The following PSMA8 variants were observed in gnomAD, a reference collection of about 807,000 sequenced individuals.
PSMA8 encodes the protein proteasome 20S subunit alpha 8.
In PSMA8, 18 loss-of-function variants were observed where a neutral mutation model predicts 32.4. That is an observed-to-expected ratio of 0.56 (90% CI 0.38 to 0.82). The LOEUF is 0.82. PSMA8 is among the 40% of genes least tolerant of loss of function. The pLI, the probability that PSMA8 is intolerant of heterozygous loss-of-function variation, is 0.00. For missense variants in PSMA8, 298 were observed against 300.7 expected, an observed-to-expected ratio of 0.99 and a Z score of 0.07; for synonymous variants, 104 against 98.1, an observed-to-expected ratio of 1.06 and a Z score of -0.36.
intron 1 of PSMA8, among the ~76,000 whole-genome samples, chr18:26,143,444 G>A (rs1349173272): frequency 6.6e-6 from 1 of 152,038 alleles, no homozygotes; most frequent in Non-Finnish European, 1.5e-5. Context: ...CCTGAACTTG[G>A]ATAGGCAGAT....
intron 1 of PSMA8, among the ~76,000 whole-genome samples, chr18:26,139,805 AG>A (rs1007931254): frequency 1.3e-5 from 2 of 152,142 alleles, no homozygotes; most frequent in Admixed American, 1.3e-4. Context: ...TTTGACTTGA[AG>A]GGCTTGAAAG....
rs192729269 is a variant in PSMA8, at chr18:26,169,233, G to A, written c.478-9597G>A. 2.0e-4 allele frequency among the ~76,000 whole-genome samples: 26 copies of A among 132,236 alleles called. 4 individuals carry two copies. Among genetic ancestry groups the A allele is most frequent in the African/African-American group, 1.0e-3 (25 of 24,880 alleles). 86.8% of individuals were successfully genotyped at this position (132,236 alleles called of 152,430 possible). On this transcript the variant is annotated intron_variant, in intron 4 of 6. Transcript: ENST00000415576. ...TCTGCCTGCCTTAGCCTCCCAAAGC[G>A]CTGGGATTACAGGCGTGAGCCACTG...
At chr18:26,143,177 A>G (rs2144275674) in intron 1 of PSMA8, among the ~76,000 whole-genome samples, 1 of 152,290 alleles carries the variant, frequency 6.6e-6, no homozygotes, top group Non-Finnish European at 1.5e-5. Flanking sequence ...TGAGAAAAAA[A>G]ATCGATTCCC....
chr18:26,175,676 C>A (rs1174319448), intron 4 of PSMA8, among the ~76,000 whole-genome samples: 4 of 152,204 alleles, frequency 2.6e-5, no homozygotes, highest in African/African-American at 4.8e-5. Flanking sequence ...TCACAGGATG[C>A]ACTTCCGAGG....
At chr18:26,156,288 A>C (rs2055088319) in intron 3 of PSMA8, among the ~76,000 whole-genome samples, 2 of 152,320 alleles carry the variant, frequency 1.3e-5, no homozygotes, top group Non-Finnish European at 2.9e-5. Flanking sequence ...CTCTAATCCC[A>C]CAATCCCACT....
At chr18:26,168,657 G>A (rs1951207012) in intron 4 of PSMA8, among the ~76,000 whole-genome samples, 1 of 129,180 alleles carries the variant, frequency 7.7e-6, no homozygotes, top group African/African-American at 4.3e-5. Context: ...AGCCTCCCGA[G>A]TAGCTGGGAC....
In PSMA8 at chr18:26,163,251, A is replaced by ATATATAT. The variant is rs1568062730; in HGVS notation, c.477+5008_477+5014dup. Among the ~76,000 whole-genome samples, 3 of 87,772 alleles carry ATATATAT rather than the reference A, an allele frequency of 3.4e-5. 1 individual carries two copies. Among genetic ancestry groups the ATATATAT allele is most frequent in the African/African-American group, 1.4e-4 (3 of 21,772 alleles). 57.6% of individuals were successfully genotyped at this position (87,772 alleles called of 152,430 possible). A position where few individuals can be genotyped will look rare whatever the true frequency, so the allele number is the denominator to read the frequency against. ...TATATATATATATATATATATATAT[A>ATATATAT]TATATATATATGCTGTGAGTAAAAT... On this transcript the variant is annotated intron_variant, in intron 4 of 6. Transcript: ENST00000415576.
At chr18:26,150,202 A>AT (rs1431335410) in intron 2 of PSMA8, among the ~76,000 whole-genome samples, 1 of 152,154 alleles carries the variant, frequency 6.6e-6, no homozygotes, top group East Asian at 1.9e-4. Context: ...GATCCCAAGC[A>AT]TTTTCAGATG....
chr18:26,148,971 T>C (rs896235690), intron 2 of PSMA8, among the ~76,000 whole-genome samples: 3 of 152,096 alleles, frequency 2.0e-5, no homozygotes, highest in African/African-American at 7.2e-5. Context: ...CTCAGCCTCC[T>C]GAATGCAGGT....
rs2055415209 is a variant in PSMA8 at position 26,192,851 on chromosome 18, T to C, written c.*440T>C. The C allele has an allele frequency of 6.6e-6, 1 of 152,240 alleles. No individual in the cohort carries two copies. The highest frequency in any genetic ancestry group is 2.1e-4 in the South Asian group (1 of 4,834). 9.4% of individuals were successfully genotyped at this position (152,240 alleles called of 1,614,324 possible). A position where few individuals can be genotyped will look rare whatever the true frequency, so the allele number is the denominator to read the frequency against. ...TTCTCAAAGAATGACAAAAGCATCC[T>C]TATACTGATGAGTTCTTAAAATTTT... On this transcript the variant is annotated 3_prime_UTR_variant, in exon 7 of 7. Coordinates refer to ENST00000415576, the MANE Select transcript of PSMA8 (RefSeq NM_001025096.2).
At position 26,163,213 on chromosome 18, in the gene PSMA8, G is replaced by GTATATATA. The variant is rs58945617; in HGVS notation, c.477+5011_477+5018dup. ...AGGTGGTGTGTGTTTATGTGTGTGTGTATATATATATATATATATATATAT... is the reference window on the plus strand; with the variant it reads ...AGGTGGTGTGTGTTTATGTGTGTGTGTATATATATATATATATATATATATATATATAT... On this transcript the variant is annotated intron_variant, in intron 4 of 6. Transcript: ENST00000415576. Among the ~76,000 whole-genome samples, 332 of 80,800 alleles carry GTATATATA rather than the reference G, an allele frequency of 4.1e-3. 2 individuals carry two copies. The highest frequency in any genetic ancestry group is 5.6e-3 in the Non-Finnish European group (239 of 43,056). 53.0% of individuals were successfully genotyped at this position (80,800 alleles called of 152,430 possible).
At chr18:26,172,975 G>T (rs1042171754) in intron 4 of PSMA8, among the ~76,000 whole-genome samples, 1 of 152,126 alleles carries the variant, frequency 6.6e-6, no homozygotes, top group Admixed American at 6.5e-5. Flanking sequence ...ACAGTCCTGA[G>T]GAATAGCCCC....
chr18:26,136,553 T>C (rs1259209478), intron 1 of PSMA8, among the ~76,000 whole-genome samples: 4 of 152,174 alleles, frequency 2.6e-5, no homozygotes, highest in Non-Finnish European at 4.4e-5. Context: ...TGCATCTTAT[T>C]TATCCTTTAA....
intron 6 of PSMA8, among the ~76,000 whole-genome samples, chr18:26,181,949 T>C (rs547298316): frequency 6.6e-5 from 10 of 150,838 alleles, no homozygotes; most frequent in African/African-American, 2.4e-4. Context: ...ACCAGTCTTG[T>C]TACTGATATG....
At chr18:26,172,148 T>C (rs1400012607) in intron 4 of PSMA8, among the ~76,000 whole-genome samples, 1 of 152,218 alleles carries the variant, frequency 6.6e-6, no homozygotes, top group Non-Finnish European at 1.5e-5. Flanking sequence ...GAGCCTTGTC[T>C]GACAGCCCAA....
chr18:26,165,473 A>C (rs1024388711), intron 4 of PSMA8, among the ~76,000 whole-genome samples: 2 of 152,232 alleles, frequency 1.3e-5, no homozygotes, highest in African/African-American at 4.8e-5. Context: ...GAAGAAAAGG[A>C]AATAGGAAGT....
At chr18:26,142,241 G>A (rs1007830933) in intron 1 of PSMA8, among the ~76,000 whole-genome samples, 4 of 151,634 alleles carry the variant, frequency 2.6e-5, no homozygotes, top group East Asian at 1.9e-4. Context: ...GGGTTTCACC[G>A]TGTTAGCCAG....
intron 4 of PSMA8, among the ~76,000 whole-genome samples, chr18:26,171,555 G>A (rs747101641): frequency 6.6e-6 from 1 of 152,138 alleles, no homozygotes; most frequent in African/African-American, 2.4e-5. Flanking sequence ...CCAACATGGC[G>A]AAACCCCGTC....
chr18:26,151,037 C>A (rs1156266544), intron 2 of PSMA8, among the ~76,000 whole-genome samples: 4 of 152,162 alleles, frequency 2.6e-5, no homozygotes, highest in African/African-American at 9.7e-5. Flanking sequence ...TATCTGATTA[C>A]AATTTCTACC....
Sources: allele counts gnomAD v4.1 joint callset (sites outside exome capture counted in the v4.1 genomes callset), GRCh38; gene constraint gnomAD v4.1.1; transcripts MANE v1.5; gene names NCBI Gene and HGNC (gene_info 2026-07-23, HGNC 2026-07-21).